Variants in ATP8A2 observed in about 807,000 individuals in gnomAD.
ATP8A2 encodes the protein ATPase phospholipid transporting 8A2, also known as phospholipid-transporting ATPase IB.
ATP8A2 carries 100 observed loss-of-function variants against 165.6 expected under a neutral mutation model. The ratio of observed to expected loss-of-function variants is 0.60; its 90% CI spans 0.51 to 0.71. ATP8A2 has a LOEUF of 0.71. Ranked by LOEUF, ATP8A2 falls within the 30% of genes least tolerant of loss-of-function variation. ATP8A2 has a pLI of 0.00. For synonymous variants in ATP8A2, 543 were observed against 548.8 expected (o/e 0.99, Z 0.15); for missense variants, 1,227 against 1,479.5 (o/e 0.83, Z 2.80).
intron 33 of ATP8A2, among the ~76,000 whole-genome samples, chr13:25,947,321 T>G (rs1566293737): frequency 6.6e-6 from 1 of 152,194 alleles, no homozygotes; most frequent in African/African-American, 2.4e-5. Context: ...TGATTTCCAT[T>G]GTCTACATCT....
intron 24 of ATP8A2, among the ~76,000 whole-genome samples, chr13:25,594,206 A>C (rs1247397540): frequency 6.6e-6 from 1 of 152,214 alleles, no homozygotes; most frequent in Admixed American, 6.5e-5. Context: ...TAATCTAATC[A>C]TTTACTCTAA....
At chr13:25,982,127 G>A (rs373687921) in intron 35 of ATP8A2, among the ~76,000 whole-genome samples, 32 of 152,280 alleles carry the variant, frequency 2.1e-4, no homozygotes, top group African/African-American at 7.7e-4. Context: ...GCATTGATCT[G>A]TTGCCCAGAC....
chr13:25,392,940 C>T (rs1454426841), intron 1 of ATP8A2, among the ~76,000 whole-genome samples: 1 of 151,524 alleles, frequency 6.6e-6, no homozygotes, highest in Non-Finnish European at 1.5e-5. Flanking sequence ...GAAAAATGAA[C>T]TGGATTCTGA....
At chr13:25,809,509 C>T (rs539313134) in intron 27 of ATP8A2, among the ~76,000 whole-genome samples, 5 of 152,238 alleles carry the variant, frequency 3.3e-5, no homozygotes, top group African/African-American at 1.2e-4. Flanking sequence ...TCCACCCCTG[C>T]TGAGCTTCCC....
chr13:25,748,971 T>C (rs1287611334), intron 25 of ATP8A2, among the ~76,000 whole-genome samples: 1 of 152,204 alleles, frequency 6.6e-6, no homozygotes, highest in Non-Finnish European at 1.5e-5. Context: ...CAGTGGACAT[T>C]TCTATGAAGT....
At chr13:25,387,139 A>G (rs1222796946) in intron 1 of ATP8A2, among the ~76,000 whole-genome samples, 1 of 152,224 alleles carries the variant, frequency 6.6e-6, no homozygotes, top group Admixed American at 6.5e-5. Flanking sequence ...ACAGTGAATA[A>G]CCGGAGAAAC....
intron 24 of ATP8A2, among the ~76,000 whole-genome samples, chr13:25,666,742 C>G (rs2042163033): frequency 6.6e-6 from 1 of 152,040 alleles, no homozygotes; most frequent in African/African-American, 2.4e-5. Flanking sequence ...ATACATTTAA[C>G]TTTGCTTTCA....
chr13:25,375,460 G>T (rs1420033852), intron 1 of ATP8A2, among the ~76,000 whole-genome samples: 1 of 152,204 alleles, frequency 6.6e-6, no homozygotes, highest in Non-Finnish European at 1.5e-5. Flanking sequence ...TTCTATGGAC[G>T]ACAGCATCAG....
chr13:25,913,722 A>T (rs1170332566), intron 33 of ATP8A2, among the ~76,000 whole-genome samples: 3 of 152,216 alleles, frequency 2.0e-5, no homozygotes, highest in African/African-American at 4.8e-5. Flanking sequence ...AATCAAATTT[A>T]AAAAATGGTG....
chr13:25,854,678 C>A (rs1365644880), intron 30 of ATP8A2, among the ~76,000 whole-genome samples: 1 of 152,198 alleles, frequency 6.6e-6, no homozygotes, highest in Non-Finnish European at 1.5e-5. Context: ...CACTCTGGGC[C>A]TGCATTGTTC....
At chr13:25,643,281 G>A (rs1179148742) in intron 24 of ATP8A2, among the ~76,000 whole-genome samples, 1 of 152,066 alleles carries the variant, frequency 6.6e-6, no homozygotes, top group Non-Finnish European at 1.5e-5. Flanking sequence ...TTTTAATACA[G>A]GTATAGTTCC....
At chr13:26,000,479 C>G (rs1956610983) in intron 35 of ATP8A2, among the ~76,000 whole-genome samples, 1 of 152,238 alleles carries the variant, frequency 6.6e-6, no homozygotes, top group African/African-American at 2.4e-5. Flanking sequence ...TCCACTTCTT[C>G]CTGAGACTGA....
chr13:25,928,840 G>C (rs1954685559), intron 33 of ATP8A2, among the ~76,000 whole-genome samples: 1 of 152,140 alleles, frequency 6.6e-6, no homozygotes, highest in Non-Finnish European at 1.5e-5. Flanking sequence ...CCTCCCTAAT[G>C]TGAAAATACG....
chr13:25,603,918 G>C (rs1245296624), intron 24 of ATP8A2, among the ~76,000 whole-genome samples: 1 of 152,004 alleles, frequency 6.6e-6, no homozygotes, highest in Non-Finnish European at 1.5e-5. Context: ...CAGGGGAAAG[G>C]TCTATTATGG....
At chr13:25,398,611 T>C (rs2033511785) in intron 1 of ATP8A2, among the ~76,000 whole-genome samples, 2 of 152,248 alleles carry the variant, frequency 1.3e-5, no homozygotes, top group Non-Finnish European at 2.9e-5. Flanking sequence ...GTGCTAGACA[T>C]ACAGTAGATG....
At chr13:25,724,967 T>C (rs566888379) in intron 25 of ATP8A2, among the ~76,000 whole-genome samples, 1 of 152,342 alleles carries the variant, frequency 6.6e-6, no homozygotes, top group East Asian at 1.9e-4. Flanking sequence ...AAATACTATG[T>C]GTCAGACCTT....
rs190522423 is a variant in ATP8A2, at chr13:25,907,080, A to C, written c.3183+44672A>C. 2.4e-4 allele frequency among the ~76,000 whole-genome samples: 37 copies of C among 152,252 alleles called. No homozygotes were observed. In the East Asian group the frequency reaches 4.6e-3, roughly 19 times the overall value. On this transcript the variant is annotated intron_variant, in intron 33 of 36. Coordinates refer to ENST00000381655, the MANE Select transcript of ATP8A2 (RefSeq NM_016529.6). The stretch of plus-strand genomic sequence containing the variant: ...CCCCGTCTCTACCAAAAATGCAAAA[A>C]ACTAGCCGGCGTGGTAGTGCACACC...
At chr13:25,423,998 G>A (rs2034372734) in intron 1 of ATP8A2, among the ~76,000 whole-genome samples, 1 of 152,168 alleles carries the variant, frequency 6.6e-6, no homozygotes, top group South Asian at 2.1e-4. Flanking sequence ...AGCCAGGTTG[G>A]AAGATTTCTC....
intron 19 of ATP8A2, among the ~76,000 whole-genome samples, chr13:25,575,987 A>T (rs1030504379): frequency 6.6e-6 from 1 of 152,126 alleles, no homozygotes; most frequent in African/African-American, 2.4e-5. Flanking sequence ...ACAGAAAGAT[A>T]ATTTGTGGTT....
Sources: allele counts gnomAD v4.1 joint callset (sites outside exome capture counted in the v4.1 genomes callset), GRCh38; gene constraint gnomAD v4.1.1; transcripts MANE v1.5; gene names NCBI Gene and HGNC (gene_info 2026-07-23, HGNC 2026-07-21).